Variants in ANKFN1 observed in about 807,000 individuals in gnomAD.
ANKFN1 encodes ankyrin repeat and fibronectin type III domain containing 1, also known as ankyrin repeat and fibronectin type-III domain-containing protein 1.
ANKFN1 carries 74 observed loss-of-function variants against 108.7 expected under a neutral mutation model. That is an observed-to-expected ratio of 0.68 (90% confidence interval 0.56 to 0.83). The LOEUF is 0.83. ANKFN1 is among the 40% of genes least tolerant of loss of function. ANKFN1 has a pLI of 0.00. For synonymous variants in ANKFN1, 547 were observed against 516.2 expected (o/e 1.06, Z -0.81); for missense variants, 1,505 against 1,382.3 (o/e 1.09, Z -1.41).
intron 8 of ANKFN1, among the ~76,000 whole-genome samples, chr17:56,407,973 T>C (rs2047972776): frequency 7.4e-6 from 1 of 134,810 alleles, no homozygotes; most frequent in South Asian, 2.5e-4. Context: ...CTTGCTCTGC[T>C]ACCCAGGCTA....
At chr17:56,204,717 C>T (rs1914370855) in intron 1 of ANKFN1, among the ~76,000 whole-genome samples, 1 of 152,186 alleles carries the variant, frequency 6.6e-6, no homozygotes, top group Non-Finnish European at 1.5e-5. Flanking sequence ...CAATGTCAAA[C>T]CCTTTTTGTG....
chr17:56,342,303 G>T (rs1396041706), intron 4 of ANKFN1, among the ~76,000 whole-genome samples: 1 of 148,504 alleles, frequency 6.7e-6, no homozygotes, highest in Non-Finnish European at 1.5e-5. Context: ...ACCTCCTTAA[G>T]TTCAGCTCTG....
In ANKFN1 at chr17:56,063,169, G is replaced by A. The variant is rs184292353; in HGVS notation, c.288+16844G>A. Among the ~76,000 whole-genome samples, 6 of 152,084 alleles carry A rather than the reference G, an allele frequency of 3.9e-5. No homozygotes were observed. The East Asian group carries it at 7.8e-4, about 20-fold the overall frequency. On this transcript the variant is annotated intron_variant, in intron 4 of 12. Coordinates refer to the ANKFN1 transcript ENST00000635860. ...AGGCTGCCCTTAATATTTTTCTCAG[G>A]CTGCCCTTAACATTTTTCCCTTCAT...
intron 3 of ANKFN1, among the ~76,000 whole-genome samples, chr17:56,251,894 C>T (rs550445793): frequency 2.0e-5 from 3 of 152,184 alleles, no homozygotes; most frequent in Non-Finnish European, 4.4e-5. Flanking sequence ...CTCATTCATC[C>T]TTCTATCTAT....
chr17:56,416,456 CT>C (rs1382753332), intron 8 of ANKFN1, among the ~76,000 whole-genome samples: 3 of 152,168 alleles, frequency 2.0e-5, no homozygotes, highest in Non-Finnish European at 4.4e-5. Context: ...TTAAAAGGCG[CT>C]CAACATCATT....
At chr17:56,237,354 A>G (rs916451058) in intron 3 of ANKFN1, among the ~76,000 whole-genome samples, 3 of 152,032 alleles carry the variant, frequency 2.0e-5, no homozygotes, top group African/African-American at 4.8e-5. Context: ...CTAAACACCC[A>G]CATCTTTTAC....
intron 6 of ANKFN1, among the ~76,000 whole-genome samples, chr17:56,357,276 T>G (rs2046400867): frequency 6.6e-6 from 1 of 152,212 alleles, no homozygotes; most frequent in African/African-American, 2.4e-5. Flanking sequence ...ACATACAACA[T>G]CTCTGGTTTT....
chr17:56,189,043 C>T (rs1336315928), intron 1 of ANKFN1, among the ~76,000 whole-genome samples: 3 of 151,904 alleles, frequency 2.0e-5, no homozygotes, highest in South Asian at 2.1e-4. Context: ...TGGTGCATCT[C>T]GAGGCAACAT....
rs2051709859 is a variant in ANKFN1 at position 56,510,453 on chromosome 17, C to T, written c.2645-20C>T. The T allele has an allele frequency of 6.5e-7, 1 of 1,531,182 alleles. No homozygotes were observed. The highest frequency in any genetic ancestry group is 2.0e-5 in the Admixed American group (1 of 49,988). 94.8% of individuals were successfully genotyped at this position (1,531,182 alleles called of 1,614,324 possible). A position where few individuals can be genotyped will look rare whatever the true frequency, so the allele number is the denominator to read the frequency against. ...TAGCTAAGACTATATTTTTCCTAAC[C>T]TCAGTTTCTGGCTTCGCAGATTCAC... is the stretch of plus-strand genomic sequence containing the variant. On this transcript the variant is annotated intron_variant, in intron 20 of 20. Coordinates refer to ENST00000682825, the MANE Select transcript of ANKFN1 (RefSeq NM_001370326.1).
At chr17:56,176,919 G>T (rs750595338) in intron 1 of ANKFN1, among the ~76,000 whole-genome samples, 1 of 152,150 alleles carries the variant, frequency 6.6e-6, no homozygotes, top group Non-Finnish European at 1.5e-5. Context: ...AATGCCTTTT[G>T]TCCAGATTGA....
intron 3 of ANKFN1, among the ~76,000 whole-genome samples, chr17:56,263,004 G>A (rs1370750566): frequency 3.9e-5 from 6 of 152,112 alleles, no homozygotes; most frequent in African/African-American, 1.2e-4. Flanking sequence ...ATTTGTGCTC[G>A]AATGACCAAA....
intron 11 of ANKFN1, among the ~76,000 whole-genome samples, chr17:56,451,388 A>C (rs1013443989): frequency 6.6e-6 from 1 of 152,206 alleles, no homozygotes; most frequent in Non-Finnish European, 1.5e-5. Context: ...ATGATTTAAC[A>C]TAACCCTTAA....
chr17:56,113,300 T>C (rs912580759), intron 4 of ANKFN1, among the ~76,000 whole-genome samples: 6 of 152,124 alleles, frequency 3.9e-5, no homozygotes, highest in Non-Finnish European at 5.9e-5. Flanking sequence ...AAACAAAATA[T>C]AGTCATTGAG....
intron 10 of ANKFN1, among the ~76,000 whole-genome samples, chr17:56,445,365 C>T (rs2049250577): frequency 6.6e-6 from 1 of 152,228 alleles, no homozygotes; most frequent in Admixed American, 6.5e-5. Flanking sequence ...CACTATCTGT[C>T]ACAGCCCATT....
chr17:56,466,691 G>C, intron 15 of ANKFN1, 120 bp downstream of exon 15: 2 of 809,588 alleles, frequency 2.5e-6, no homozygotes, highest in Non-Finnish European at 3.8e-6. Flanking sequence ...AGAGGGTCCA[G>C]AGATATGTTG....
intron 4 of ANKFN1, among the ~76,000 whole-genome samples, chr17:56,100,755 T>C (rs978832047): frequency 3.3e-5 from 5 of 152,190 alleles, no homozygotes; most frequent in African/African-American, 1.2e-4. Flanking sequence ...CTCAGGGGCA[T>C]CTTAAAGAAA....
At chr17:56,252,525 A>G (rs553151672) in intron 3 of ANKFN1, among the ~76,000 whole-genome samples, 3 of 152,244 alleles carry the variant, frequency 2.0e-5, no homozygotes, top group African/African-American at 7.2e-5. Context: ...ATGTAATCCT[A>G]CCACTCTTGG....
At chr17:56,394,073 A>G (rs2047511870) in intron 8 of ANKFN1, among the ~76,000 whole-genome samples, 1 of 152,252 alleles carries the variant, frequency 6.6e-6, no homozygotes. Context: ...CAACATAAGA[A>G]TTCACTTTGC....
At chr17:56,419,872 G>T (rs2048349762) in intron 8 of ANKFN1, among the ~76,000 whole-genome samples, 1 of 151,298 alleles carries the variant, frequency 6.6e-6, no homozygotes, top group African/African-American at 2.4e-5. Flanking sequence ...ATCTGATTTT[G>T]CTCTGTATAT....
Sources: gnomAD v4.1 joint callset for allele counts (sites outside exome capture counted in the v4.1 genomes callset) on GRCh38, gnomAD v4.1.1 for gene constraint, MANE v1.5 for transcripts, NCBI Gene and HGNC (gene_info 2026-07-23, HGNC 2026-07-21) for gene names.